The following AR variants were observed in gnomAD, a reference collection of about 807,000 sequenced individuals.
AR encodes the protein dihydrotestosterone receptor.
In AR, 8 loss-of-function variants were observed where a neutral mutation model predicts 53.9. That is an observed-to-expected ratio of 0.15 (90% CI 0.09 to 0.27). AR has a LOEUF of 0.27. Among genes scored for constraint, AR ranks in the 10% least tolerant of loss-of-function variants. AR has a pLI of 1.00. For missense variants in AR, 639 were observed against 742.5 expected (o/e 0.86, Z 1.62); for synonymous variants, 359 against 316.4 (o/e 1.13, Z -1.43).
intron 1 of AR, among the ~76,000 whole-genome samples, chrX:67,547,092 A>G (rs893448711): frequency 9.0e-6 from 1 of 111,214 alleles, no homozygotes; most frequent in African/African-American, 3.3e-5. Flanking sequence ...TAAAGCTCCC[A>G]AGCCCTCCAC....
chrX:67,670,364 GTAT>G (rs1246036391), intron 2 of AR, among the ~76,000 whole-genome samples: 1 of 97,531 alleles, frequency 1.0e-5, no homozygotes, highest in Non-Finnish European at 2.0e-5. Context: ...TTAAAAAATA[GTAT>G]TATTTTAAAA....
rs2147541678 is a variant in AR, at chrX:67,724,204, T to G, written c.*363T>G. 1 of 194,451 alleles carries G rather than the reference T, an allele frequency of 5.1e-6. No individual in the cohort carries two copies. The highest frequency in any genetic ancestry group is 9.4e-6 in the Non-Finnish European group (1 of 106,498). 16.0% of individuals were successfully genotyped at this position (194,451 alleles called of 1,213,427 possible). A position where few individuals can be genotyped will look rare whatever the true frequency, so the allele number is the denominator to read the frequency against. On this transcript the variant is annotated 3_prime_UTR_variant, in exon 8 of 8. Transcript: ENST00000374690. The stretch of plus-strand genomic sequence containing the variant: ...CTACTCTGTGCCAGCCACACAAACG[T>G]TTACTTATCTTATGCCACGGGAAGT...
intron 2 of AR, among the ~76,000 whole-genome samples, chrX:67,685,334 A>G (rs1207035721): frequency 9.0e-6 from 1 of 111,356 alleles, no homozygotes; most frequent in East Asian, 2.8e-4. Context: ...GTGCGCTTCT[A>G]TGTATCTGTG....
chrX:67,700,101 G>T (rs770007736), intron 3 of AR, among the ~76,000 whole-genome samples: 2 of 111,700 alleles, frequency 1.8e-5, no homozygotes, highest in South Asian at 7.6e-4. Context: ...CTCCTAAAGA[G>T]GAGGTATGGA....
chrX:67,597,761 C>G (rs1413719145), intron 1 of AR, among the ~76,000 whole-genome samples: 1 of 112,244 alleles, frequency 8.9e-6, no homozygotes, highest in Non-Finnish European at 1.9e-5. Flanking sequence ...CCTAAAAATT[C>G]TAGGTATCCC....
chrX:67,626,729 C>A (rs7053539), intron 1 of AR, among the ~76,000 whole-genome samples: 5,300 of 98,682 alleles, frequency 0.054, 436 homozygotes, highest in African/African-American at 0.19. Context: ...GCGCTGCACC[C>A]ACTAACTCAT....
At chrX:67,606,486 T>C (rs181274346) in intron 1 of AR, among the ~76,000 whole-genome samples, 1 of 111,884 alleles carries the variant, frequency 8.9e-6, no homozygotes, top group Admixed American at 9.5e-5. Flanking sequence ...CTTAACAACT[T>C]TGAAATAGAC....
At chrX:67,649,998 A>G (rs1486139314) in intron 2 of AR, among the ~76,000 whole-genome samples, 1 of 112,012 alleles carries the variant, frequency 8.9e-6, no homozygotes, top group Non-Finnish European at 1.9e-5. Flanking sequence ...AATACAACTC[A>G]CAAGGGATGT....
intron 2 of AR, among the ~76,000 whole-genome samples, chrX:67,685,076 G>C (rs1038061922): frequency 2.7e-5 from 3 of 111,275 alleles, no homozygotes; most frequent in Non-Finnish European, 5.6e-5. Context: ...GCTGGAGCAC[G>C]GTTGCAAGCA....
intron 3 of AR, among the ~76,000 whole-genome samples, chrX:67,687,670 C>T (rs1272058402): frequency 9.0e-6 from 1 of 111,644 alleles, no homozygotes; most frequent in Non-Finnish European, 1.9e-5. Flanking sequence ...ATGTTGCAGC[C>T]CCATGTTGAG....
rs754744696 is a variant in AR at position 67,711,442 on chromosome X, G to A, written c.1926G>A (p.Glu642=). 1.2e-5 allele frequency: 14 copies of A among 1,199,695 alleles called. No homozygotes were observed. The Admixed American group carries it at 2.9e-4, about 25-fold the overall frequency. ...AACTTGGTAATCTGAAACTACAGGA[G>A]GAAGGAGAGGCTTCCAGCACCACCA... is the stretch of plus-strand genomic sequence containing the variant. The part of the protein sequence containing the change: ...LKKLGNLKLQ[E]EGEASSTTSP... Residue 642 remains glutamate, a synonymous_variant, in exon 4 of 8, where the codon GAG becomes GAA. Transcript: ENST00000374690.
chrX:67,598,633 C>T (rs1274295309), intron 1 of AR, among the ~76,000 whole-genome samples: 2 of 110,973 alleles, frequency 1.8e-5, no homozygotes, highest in African/African-American at 6.6e-5. Context: ...TTGTTTGGCT[C>T]TTTGCTTAAT....
rs1041789178 is a variant in AR, at chrX:67,658,516, C to A, written c.1768+15109C>A. The stretch of plus-strand genomic sequence containing the variant: ...CCAGGCTGCAGTGTGCAGCTCTTCA[C>A]AAGTGTGATCATAGCGTACTACACC... On this transcript the variant is annotated intron_variant, in intron 2 of 7. Coordinates refer to ENST00000374690, the MANE Select transcript of AR (RefSeq NM_000044.6). 1.3e-4 allele frequency among the ~76,000 whole-genome samples: 15 copies of A among 111,967 alleles called. 1 individual carries two copies. The Admixed American group carries it at 1.4e-3, about 11-fold the overall frequency.
At chrX:67,590,668 C>A (rs1437990061) in intron 1 of AR, among the ~76,000 whole-genome samples, 2 of 112,010 alleles carry the variant, frequency 1.8e-5, no homozygotes, top group Non-Finnish European at 3.8e-5. Flanking sequence ...AGATGTGACT[C>A]TGGACAGAGG....
At chrX:67,652,266 T>C (rs778572053) in intron 2 of AR, among the ~76,000 whole-genome samples, 4 of 112,148 alleles carry the variant, frequency 3.6e-5, no homozygotes, top group African/African-American at 1.3e-4. Context: ...CTTGATTTCA[T>C]TGTGGTATCT....
intron 1 of AR, among the ~76,000 whole-genome samples, chrX:67,625,411 A>G (rs1487710849): frequency 9.0e-6 from 1 of 111,156 alleles, no homozygotes; most frequent in African/African-American, 3.3e-5. Flanking sequence ...TGACCCTAAA[A>G]TTAATATTTA....
At chrX:67,685,889 T>C in intron 2 of AR, 121 bp from the exon 3 acceptor site, 1 of 1,046,170 alleles carries the variant, frequency 9.6e-7, no homozygotes, top group Non-Finnish European at 1.3e-6. Context: ...TGCCATACTC[T>C]GTCCACTTTT....
chrX:67,715,480 T>C, intron 4 of AR, among the ~76,000 whole-genome samples: 1 of 111,050 alleles, frequency 9.0e-6, no homozygotes, highest in Non-Finnish European at 1.9e-5. Flanking sequence ...AATGGGGCTA[T>C]ATGAGTGGAC....
At chrX:67,716,676 AGGG>A (rs2076114821) in intron 4 of AR, among the ~76,000 whole-genome samples, 1 of 111,546 alleles carries the variant, frequency 9.0e-6, no homozygotes, top group African/African-American at 3.3e-5. Context: ...GACGCAAGAG[AGGG>A]AACATGAAAG....
Sources: allele counts gnomAD v4.1 joint callset (sites outside exome capture counted in the v4.1 genomes callset), GRCh38; gene constraint gnomAD v4.1.1; transcripts MANE v1.5; gene names NCBI Gene and HGNC (gene_info 2026-07-23, HGNC 2026-07-21).